Variants in EHMT1 observed in about 807,000 individuals in gnomAD.
The protein encoded by EHMT1 is histone-lysine N-methyltransferase EHMT1.
In EHMT1, 15 loss-of-function variants were observed where a neutral mutation model predicts 147.2. That is an observed-to-expected ratio of 0.10 (90% CI 0.07 to 0.16). The LOEUF (loss-of-function observed/expected upper bound fraction) is 0.16, where lower values mean the gene tolerates loss of function less well. Among genes scored for constraint, EHMT1 ranks in the 10% least tolerant of loss-of-function variants. The pLI is 1.00. For missense variants in EHMT1, 1,587 were observed against 1,772.4 expected, an observed-to-expected ratio of 0.90 and a Z score of 1.88; for synonymous variants, 795 against 709.6, an observed-to-expected ratio of 1.12 and a Z score of -1.91.
intron 14 of EHMT1, among the ~76,000 whole-genome samples, chr9:137,780,380 ATGACGCTGGGATGTGTGG>A (rs1951322284): frequency 1.5e-4 from 18 of 120,752 alleles, no homozygotes; most frequent in Admixed American, 3.3e-4. Flanking sequence ...GAGACGTGTG[ATGACGCTGGGATGTGTGG>A]TGATGACGCT....
intron 25 of EHMT1, among the ~76,000 whole-genome samples, chr9:137,826,966 C>A (rs181197717): frequency 6.6e-6 from 1 of 152,224 alleles, no homozygotes; most frequent in Non-Finnish European, 1.5e-5. Context: ...TCCATCAGAT[C>A]GCTGCTGGAG....
intron 1 of EHMT1, among the ~76,000 whole-genome samples, chr9:137,702,604 C>T (rs1012767054): frequency 6.6e-6 from 1 of 152,076 alleles, no homozygotes; most frequent in Non-Finnish European, 1.5e-5. Context: ...CATGGGCTGG[C>T]GTTGAGTGCC....
intron 6 of EHMT1, among the ~76,000 whole-genome samples, chr9:137,750,117 T>C (rs1948851105): frequency 6.6e-6 from 1 of 152,220 alleles, no homozygotes. Flanking sequence ...TCAAAACCTA[T>C]TACAGCTCCT....
At chr9:137,689,187 GA>G (rs932109314) in intron 1 of EHMT1, among the ~76,000 whole-genome samples, 1 of 152,032 alleles carries the variant, frequency 6.6e-6, no homozygotes, top group Non-Finnish European at 1.5e-5. Context: ...TCTTATTGTG[GA>G]AAAAAATCAA....
At chr9:137,822,807 T>C (rs1319007464) in intron 25 of EHMT1, among the ~76,000 whole-genome samples, 2 of 152,062 alleles carry the variant, frequency 1.3e-5, no homozygotes, top group Admixed American at 6.5e-5. Context: ...GCAGGAGACT[T>C]GCTTGAACTT....
At chr9:137,673,071 T>A (rs1327404239) in intron 1 of EHMT1, among the ~76,000 whole-genome samples, 1 of 152,210 alleles carries the variant, frequency 6.6e-6, no homozygotes, top group Non-Finnish European at 1.5e-5. Context: ...TTTATATGGG[T>A]TGCTTTTTTG....
intron 1 of EHMT1, among the ~76,000 whole-genome samples, chr9:137,679,896 T>C (rs1941772820): frequency 6.6e-6 from 1 of 152,250 alleles, no homozygotes; most frequent in African/African-American, 2.4e-5. Context: ...TTTTTCCTGC[T>C]GTTTTTGTGA....
At chr9:137,690,969 A>G (rs1942880557) in intron 1 of EHMT1, among the ~76,000 whole-genome samples, 2 of 152,222 alleles carry the variant, frequency 1.3e-5, no homozygotes, top group Non-Finnish European at 2.9e-5. Context: ...TCACCATCTT[A>G]ACCATTTTTA....
intron 1 of EHMT1, among the ~76,000 whole-genome samples, chr9:137,668,599 T>C (rs1352020924): frequency 1.3e-5 from 2 of 152,214 alleles, no homozygotes; most frequent in Non-Finnish European, 2.9e-5. Flanking sequence ...CTTATACCAT[T>C]AGCAGTTCCT....
At position 137,830,190 on chromosome 9, in the gene EHMT1, G is replaced by T. The variant is rs540158397; in HGVS notation, c.3541-4159G>T. On this transcript the variant is annotated intron_variant, in intron 25 of 26. Transcript: ENST00000460843. ...TCAAACTGCCCCATCTTTGGCCATG[G>T]GGAGCCCATGCAGGCGAGCCCGTCT... 5.3e-5 allele frequency among the ~76,000 whole-genome samples: 8 copies of T among 152,142 alleles called. No homozygotes were observed. In the East Asian group the frequency reaches 1.5e-3, roughly 29 times the overall value.
chr9:137,715,915 A>T, intron 2 of EHMT1: 1 of 876,218 alleles, frequency 1.1e-6, no homozygotes, highest in Non-Finnish European at 1.4e-6. Context: ...TGCTTAAGAA[A>T]TGTTTATGTT....
At chr9:137,742,807 C>G (rs1322713218) in intron 4 of EHMT1, 1 of 175,412 alleles carries the variant, frequency 5.7e-6, no homozygotes, top group African/African-American at 2.4e-5. Context: ...GGGGAGAGGG[C>G]CTAGGAGGAT....
At chr9:137,752,226 A>G (rs1433444820) in intron 6 of EHMT1, 105 bp from the exon 7 acceptor site, 13 of 1,342,676 alleles carry the variant, frequency 9.7e-6, no homozygotes, top group Non-Finnish European at 1.3e-5. Context: ...GTGTGCGGCC[A>G]GTGCCCGTTT....
At chr9:137,636,635 C>T (rs781351077) in intron 1 of EHMT1, among the ~76,000 whole-genome samples, 35 of 152,204 alleles carry the variant, frequency 2.3e-4, no homozygotes, top group Non-Finnish European at 4.6e-4. Context: ...ATGTTTGTCT[C>T]TATCTGTTGA....
chr9:137,832,995 C>G (rs528348839), intron 25 of EHMT1: 29 of 152,440 alleles, frequency 1.9e-4, no homozygotes, highest in African/African-American at 7.0e-4. Flanking sequence ...GGCAGCTTCC[C>G]GCGCCTTTGG....
At chr9:137,768,255 T>C (rs1467339041) in intron 10 of EHMT1, among the ~76,000 whole-genome samples, 1 of 152,134 alleles carries the variant, frequency 6.6e-6, no homozygotes, top group Admixed American at 6.6e-5. Context: ...CTCCATTTAA[T>C]GTAAGTATTA....
intron 1 of EHMT1, among the ~76,000 whole-genome samples, chr9:137,649,161 C>T (rs962356999): frequency 5.9e-5 from 9 of 151,816 alleles, no homozygotes; most frequent in East Asian, 1.9e-4. Flanking sequence ...AGTGTTCTCC[C>T]GGCTGGGTGC....
Position 137,771,632 on chromosome 9 carries a change from G to A in EHMT1, c.1648-3477G>A, listed in dbSNP as rs192589001. ...CTCACCACAGGCGAGCACCTTGCTGGACGACATGGTCTTACCGAGGAGATG... is the reference window on the plus strand; with the variant it reads ...CTCACCACAGGCGAGCACCTTGCTGAACGACATGGTCTTACCGAGGAGATG... On this transcript the variant is annotated intron_variant, in intron 10 of 26. Coordinates refer to ENST00000460843, the MANE Select transcript of EHMT1 (RefSeq NM_024757.5). Among the ~76,000 whole-genome samples, 349 of 152,234 alleles carry A rather than the reference G, an allele frequency of 2.3e-3. 3 individuals are homozygous for A. The highest frequency in any genetic ancestry group is 7.8e-3 in the African/African-American group (325 of 41,504).
At chr9:137,663,302 A>G (rs542649108) in intron 1 of EHMT1, among the ~76,000 whole-genome samples, 13 of 152,112 alleles carry the variant, frequency 8.5e-5, no homozygotes, top group Admixed American at 2.6e-4. Context: ...AGAGGCAGTA[A>G]TGATGGGGTG....
Sources: gnomAD v4.1 joint callset for allele counts (sites outside exome capture counted in the v4.1 genomes callset) on GRCh38, gnomAD v4.1.1 for gene constraint, MANE v1.5 for transcripts, NCBI Gene and HGNC (gene_info 2026-07-23, HGNC 2026-07-21) for gene names.